Variants in AFF1 observed in about 807,000 individuals in gnomAD.
AFF1 encodes the protein ALF transcription elongation factor 1.
A neutral mutation model predicts 121.7 loss-of-function variants in AFF1; 48 were observed. That is an observed-to-expected ratio of 0.39 (90% confidence interval 0.31 to 0.50). The LOEUF (loss-of-function observed/expected upper bound fraction) is 0.50, where lower values mean the gene tolerates loss of function less well. Among genes scored for constraint, AFF1 ranks in the 20% least tolerant of loss-of-function variants. The pLI is 0.76. For synonymous variants in AFF1, 613 were observed against 563.0 expected (o/e 1.09, Z -1.26); for missense variants, 1,523 against 1,511.7 (o/e 1.01, Z -0.12).
chr4:87,044,534 T>A (rs1209496113), intron 2 of AFF1, among the ~76,000 whole-genome samples: 1 of 152,110 alleles, frequency 6.6e-6, no homozygotes, highest in Non-Finnish European at 1.5e-5. Flanking sequence ...TTTGAATCAT[T>A]CCAGAGATTT....
At chr4:87,097,151 C>G (rs1194162279) in intron 8 of AFF1, among the ~76,000 whole-genome samples, 1 of 152,180 alleles carries the variant, frequency 6.6e-6, no homozygotes, top group African/African-American at 2.4e-5. Flanking sequence ...AAGGCCCTGA[C>G]CATTGTCTTT....
At chr4:87,051,031 T>C (rs952804681) in intron 4 of AFF1, among the ~76,000 whole-genome samples, 22 of 152,190 alleles carry the variant, frequency 1.4e-4, no homozygotes, top group Non-Finnish European at 7.3e-5. Flanking sequence ...ATGTGCTAGA[T>C]AGGCTTTTTA....
chr4:86,996,677 C>T (rs1725235986), intron 2 of AFF1, among the ~76,000 whole-genome samples: 1 of 152,006 alleles, frequency 6.6e-6, no homozygotes, highest in African/African-American at 2.4e-5. Context: ...TGTCCTGTGA[C>T]CCTGCCAAAT....
intron 2 of AFF1, among the ~76,000 whole-genome samples, chr4:87,031,294 A>G (rs1729059618): frequency 6.6e-6 from 1 of 151,930 alleles, no homozygotes; most frequent in Admixed American, 6.6e-5. Context: ...TCTCTTGGAA[A>G]CTTCTGCTCA....
rs201090605 is a variant in AFF1, at chr4:87,114,848, C to T, written c.2015C>T (p.Pro672Leu). 3.2e-5 allele frequency: 51 copies of T among 1,613,812 alleles called. No individual in the cohort carries two copies. The highest frequency in any genetic ancestry group is 4.1e-5 in the Non-Finnish European group (48 of 1,179,940). Residue 672 changes from proline (P) to leucine (L), a missense_variant, in exon 12 of 21, where the codon CCC becomes CTC. By Grantham distance (98) the Pro-to-Leu change is moderately conservative. Around this residue, in one of 5 missense-constraint regions of AFF1, gnomAD observed 905 missense variants for 842.5 expected, o/e 1.07. Coordinates refer to ENST00000395146, the MANE Select transcript of AFF1 (RefSeq NM_001166693.3). ...ASNEPKPAVP[P>L]SSEKKKHKSS... is the part of the protein sequence containing the mutation. ...AACGAACCCAAGCCAGCAGTGCCCC[C>T]CTCCAGTGAGAAGAAGAAGCACAAG... is the stretch of plus-strand genomic sequence containing the variant.
chr4:87,074,055 C>T (rs1050612825), intron 4 of AFF1, among the ~76,000 whole-genome samples: 22 of 152,014 alleles, frequency 1.4e-4, no homozygotes, highest in Non-Finnish European at 2.2e-4. Context: ...AACACCACCA[C>T]GCTGCAGTTT....
At position 87,017,159 on chromosome 4, in the gene AFF1, A is replaced by T. The variant is rs796307304; in HGVS notation, c.39-29007A>T. Among the ~76,000 whole-genome samples, 18 of 117,096 alleles carry T rather than the reference A, an allele frequency of 1.5e-4. 1 individual carries two copies. In the South Asian group the frequency reaches 4.3e-3, roughly 28 times the overall value. 76.8% of individuals were successfully genotyped at this position (117,096 alleles called of 152,430 possible). ...GAAGGTGGAATTTCTGGGTCCTATG[A>T]TAGTTTTTTGTTTGACTTTTTGAGA... On this transcript the variant is annotated intron_variant, in intron 2 of 20. Transcript: ENST00000395146.
intron 2 of AFF1, among the ~76,000 whole-genome samples, chr4:87,013,710 A>AC (rs1350821080): frequency 1.3e-5 from 2 of 150,120 alleles, no homozygotes; most frequent in Non-Finnish European, 3.0e-5. Context: ...CTGGATTGGC[A>AC]ACTAAACAAA....
intron 2 of AFF1, among the ~76,000 whole-genome samples, chr4:86,950,542 CATT>C (rs2149452962): frequency 6.6e-6 from 1 of 152,314 alleles, no homozygotes; most frequent in East Asian, 1.9e-4. Context: ...AAAATAAAAA[CATT>C]ATAAGAAATG....
chr4:87,125,811 A>G (rs944504385), intron 13 of AFF1, among the ~76,000 whole-genome samples: 1 of 152,202 alleles, frequency 6.6e-6, no homozygotes, highest in Non-Finnish European at 1.5e-5. Flanking sequence ...TGTCAGGGAA[A>G]GGCACCGGTT....
intron 2 of AFF1, among the ~76,000 whole-genome samples, chr4:86,988,030 G>C (rs1266790772): frequency 7.3e-6 from 1 of 136,954 alleles, no homozygotes; most frequent in Non-Finnish European, 1.5e-5. Context: ...TTCTGATTCA[G>C]TAGTTCTTTT....
chr4:87,090,133 G>A, intron 6 of AFF1, 63 bp downstream of exon 6: 1 of 1,308,254 alleles, frequency 7.6e-7, no homozygotes, highest in Non-Finnish European at 1.1e-6. Flanking sequence ...AGGCATTGCT[G>A]TGAGGCAGAT....
At chr4:87,053,417 A>G (rs1731457607) in intron 4 of AFF1, among the ~76,000 whole-genome samples, 1 of 152,206 alleles carries the variant, frequency 6.6e-6, no homozygotes, top group Non-Finnish European at 1.5e-5. Context: ...GCATGAATTA[A>G]CCCACAGTGG....
chr4:87,012,608 A>C (rs916183682), intron 2 of AFF1, among the ~76,000 whole-genome samples: 2 of 152,222 alleles, frequency 1.3e-5, no homozygotes, highest in Non-Finnish European at 2.9e-5. Context: ...ATGGTCCTCA[A>C]TTCATTTTAT....
At chr4:87,029,164 T>C (rs547978068) in intron 2 of AFF1, among the ~76,000 whole-genome samples, 91 of 152,328 alleles carry the variant, frequency 6.0e-4, no homozygotes, top group Middle Eastern at 3.4e-3. Context: ...TTTGGTAAAC[T>C]TTGATATAAA....
chr4:87,104,529 T>C (rs1370405459), intron 8 of AFF1, among the ~76,000 whole-genome samples: 2 of 152,250 alleles, frequency 1.3e-5, no homozygotes, highest in Admixed American at 1.3e-4. Flanking sequence ...AAGTTGTTTC[T>C]TGGCAGAATT....
chr4:87,076,821 T>C (rs970684555), intron 4 of AFF1, among the ~76,000 whole-genome samples: 5 of 152,252 alleles, frequency 3.3e-5, no homozygotes, highest in African/African-American at 1.2e-4. Context: ...CTGGTCCCTT[T>C]GAACGTTTTC....
At chr4:87,074,986 A>G (rs1722502337) in intron 4 of AFF1, among the ~76,000 whole-genome samples, 1 of 152,128 alleles carries the variant, frequency 6.6e-6, no homozygotes. Context: ...TCAAAACAAA[A>G]TTTCCAGAAT....
intron 2 of AFF1, among the ~76,000 whole-genome samples, chr4:87,033,383 T>C (rs1391584566): frequency 6.6e-6 from 1 of 152,342 alleles, no homozygotes; most frequent in African/African-American, 2.4e-5. Context: ...TTTTTCTTAT[T>C]GTATGTGGTG....
Sources: gnomAD v4.1 joint callset for allele counts (sites outside exome capture counted in the v4.1 genomes callset) on GRCh38, gnomAD v4.1.1 for gene constraint, gnomAD v4.1.1 regional missense constraint, MANE v1.5 for transcripts, NCBI Gene and HGNC (gene_info 2026-07-23, HGNC 2026-07-21) for gene names.